The following ODAM variants were observed in gnomAD, a reference collection of about 807,000 sequenced individuals.
ODAM encodes odontogenic, ameloblast associated, also known as odontogenic ameloblast-associated protein.
ODAM carries 55 observed loss-of-function variants against 48.5 expected under a neutral mutation model. The observed-to-expected ratio is 1.13, with a 90% CI of 0.91 to 1.42. ODAM has a LOEUF of 1.42. Among genes scored for constraint, ODAM ranks in the 40% most tolerant of loss-of-function variants. ODAM has a pLI of 0.00. For missense variants in ODAM, 353 were observed against 323.6 expected, an observed-to-expected ratio of 1.09 and a Z score of -0.70; for synonymous variants, 127 against 107.8, an observed-to-expected ratio of 1.18 and a Z score of -1.10.
At chr4:70,200,439 A>T in intron 6 of ODAM, 58 bp from the exon 7 acceptor site, 1 of 878,858 alleles carries the variant, frequency 1.1e-6, no homozygotes, top group South Asian at 1.6e-5. Context: ...AGAAGATAAA[A>T]AGTATGTCCT....
At chr4:70,200,222 C>CT in intron 6 of ODAM, 1 of 316,702 alleles carries the variant, frequency 3.2e-6, no homozygotes, top group South Asian at 2.7e-5. Flanking sequence ...CTAAGATGTC[C>CT]TTTGAAAAAA....
At position 70,200,478 on chromosome 4, in the gene ODAM, C is replaced by G. The variant is rs770162844; in HGVS notation, c.424-19C>G. ...CTGATTTAATGGAATCTCTTGTATC[C>G]TTCTCTTTTTACAAGTAGATGTTTC... is the stretch of plus-strand genomic sequence containing the variant. On this transcript the variant is annotated intron_variant, in intron 6 of 11. Transcript: ENST00000683306. The G allele has an allele frequency of 7.4e-7, 1 of 1,350,492 alleles. No individual in the cohort carries two copies. The highest frequency in any genetic ancestry group is 1.2e-5 in the South Asian group (1 of 82,596). 83.7% of individuals were successfully genotyped at this position (1,350,492 alleles called of 1,614,324 possible). A position where few individuals can be genotyped will look rare whatever the true frequency, so the allele number is the denominator to read the frequency against.
chr4:70,197,722 A>G, intron 4 of ODAM: 2 of 592,800 alleles, frequency 3.4e-6, no homozygotes, highest in African/African-American at 3.7e-5. Flanking sequence ...CCTGCCCCAT[A>G]TTTCTCATGG....
At chr4:70,203,610 G>A (rs12499887) in intron 11 of ODAM, among the ~76,000 whole-genome samples, 7,551 of 151,812 alleles carry the variant, frequency 0.05, 299 homozygotes, top group Middle Eastern at 0.085. Flanking sequence ...AAATGATAAA[G>A]AAATTGTACA....
chr4:70,201,516 AT>A lies in ODAM; in HGVS notation c.576+20del. ...TAGCAGAACCTGTAAGTAAATGCATATTTTTCATTAAAAATATTTTGAAACT... is the reference window on the plus strand; with the variant it reads ...TAGCAGAACCTGTAAGTAAATGCATATTTTCATTAAAAATATTTTGAAACT... On this transcript the variant is annotated intron_variant, in intron 8 of 11. Coordinates refer to ENST00000683306, the MANE Select transcript of ODAM (RefSeq NM_017855.4). 1 of 1,367,666 alleles carries A rather than the reference AT, an allele frequency of 7.3e-7. No individual in the cohort carries two copies. The highest frequency in any genetic ancestry group is 1.0e-6 in the Non-Finnish European group (1 of 961,642). The allele number at this position is 1,367,666 out of a possible 1,614,324, so 84.7% of individuals were successfully genotyped here. A position where few individuals can be genotyped will look rare whatever the true frequency, so the allele number is the denominator to read the frequency against.
At chr4:70,195,957 A>G (rs1028644282) in intron 1 of ODAM, among the ~76,000 whole-genome samples, 164 bp downstream of exon 1, 2 of 152,042 alleles carry the variant, frequency 1.3e-5, no homozygotes, top group Non-Finnish European at 2.9e-5. Flanking sequence ...TAAACAGGTT[A>G]CACCATAAAT....
intron 4 of ODAM, 111 bp from the exon 5 acceptor site, chr4:70,197,813 C>A: frequency 1.3e-6 from 1 of 769,068 alleles, no homozygotes; most frequent in Non-Finnish European, 2.2e-6. Context: ...TATGTTGCAA[C>A]ATTGGAACTA....
At position 70,202,316 on chromosome 4, in the gene ODAM, A is replaced by C; in HGVS notation, c.635A>C (p.Glu212Ala). ...AFDPQLGTAP[E>A]IAVMSTGEEI... is the part of the protein sequence containing the mutation. Reference sequence around the variant, plus strand: ...GATCCCCAACTAGGCACAGCTCCTGAAATTGCTGTGATGGTAAGATTCCTT... The same window carrying C: ...GATCCCCAACTAGGCACAGCTCCTGCAATTGCTGTGATGGTAAGATTCCTT... The change falls in exon 9 of 12, where the codon GAA (glutamate) becomes GCA (alanine). Residue 212 changes from glutamate (E) to alanine (A), a missense_variant. Glu to Ala is a moderately radical substitution (Grantham distance 107). Transcript: ENST00000683306. The C allele has an allele frequency of 6.2e-7, 1 of 1,611,216 alleles. No homozygotes were observed. Among genetic ancestry groups the C allele is most frequent in the South Asian group, 1.1e-5 (1 of 91,020 alleles).
At position 70,202,290 on chromosome 4, in the gene ODAM, T is replaced by C. The variant is rs779401756; in HGVS notation, c.609T>C (p.Phe203=). ...CAGGAGGACAGCAGCAACTAGCTTT[T>C]GATCCCCAACTAGGCACAGCTCCTG... ...AISGGQQQLA[F]DPQLGTAPEI... Residue 203 remains phenylalanine (F), a synonymous_variant, in exon 9 of 12, where the codon TTT becomes TTC. Coordinates refer to ENST00000683306, the MANE Select transcript of ODAM (RefSeq NM_017855.4). The C allele has an allele frequency of 6.2e-7, 1 of 1,612,136 alleles. No homozygotes were observed. Among genetic ancestry groups the C allele is most frequent in the South Asian group, 1.1e-5 (1 of 91,038 alleles).
chr4:70,195,894 T>C (rs562937774), intron 1 of ODAM, 101 bp downstream of exon 1: 2 of 305,352 alleles, frequency 6.5e-6, no homozygotes, highest in South Asian at 2.5e-4. Flanking sequence ...ATTAGGTCAA[T>C]GATTTGAAGC....
At chr4:70,196,109 T>C (rs939336515) in intron 1 of ODAM, among the ~76,000 whole-genome samples, 1 of 152,010 alleles carries the variant, frequency 6.6e-6, no homozygotes, top group African/African-American at 2.4e-5. Context: ...CAAATCTCTA[T>C]TGAAGTACTT....
intron 2 of ODAM, 41 bp downstream of exon 2, chr4:70,196,635 C>A (rs759051239): frequency 1.3e-6 from 2 of 1,594,022 alleles, no homozygotes; most frequent in Non-Finnish European, 1.7e-6. Context: ...CTGTGTTAAA[C>A]CTTCAACAAT....
intron 5 of ODAM, 74 bp downstream of exon 5, chr4:70,198,231 G>T: frequency 8.0e-7 from 1 of 1,246,364 alleles, no homozygotes. Context: ...ATATGAATCA[G>T]CTTTGAAATA....
intron 6 of ODAM, chr4:70,200,049 A>G (rs1031609466): frequency 2.4e-6 from 1 of 421,098 alleles, no homozygotes; most frequent in African/African-American, 2.1e-5. Context: ...TATTTTAATA[A>G]AGTAGCAATT....
Position 70,202,330 on chromosome 4 carries a change from G to A in ODAM, c.648+1G>A, listed in dbSNP as rs775452261. 2.5e-6 allele frequency: 4 copies of A among 1,609,294 alleles called. No homozygotes were observed. The highest frequency in any genetic ancestry group is 3.4e-6 in the Non-Finnish European group (4 of 1,176,360). On this transcript the variant is annotated splice_donor_variant, in intron 9 of 11. Coordinates refer to ENST00000683306, the MANE Select transcript of ODAM (RefSeq NM_017855.4). LOFTEE classifies it high-confidence loss of function. ...CACAGCTCCTGAAATTGCTGTGATGGTAAGATTCCTTACAACACTTTGCCA... is the reference window on the plus strand; with the variant it reads ...CACAGCTCCTGAAATTGCTGTGATGATAAGATTCCTTACAACACTTTGCCA...
chr4:70,202,122 A>G (rs1473259131), intron 8 of ODAM, 136 bp from the exon 9 acceptor site: 18 of 658,126 alleles, frequency 2.7e-5, no homozygotes, highest in Non-Finnish European at 4.0e-5. Flanking sequence ...AGCAAAAATT[A>G]AACTATTATT....
At chr4:70,200,305 G>A (rs764727851) in intron 6 of ODAM, among the ~76,000 whole-genome samples, 192 bp from the exon 7 acceptor site, 47 of 151,474 alleles carry the variant, frequency 3.1e-4, no homozygotes, top group Non-Finnish European at 5.3e-4. Context: ...TAAAAACCAA[G>A]TCCAGTATTA....
chr4:70,198,275 A>G, intron 5 of ODAM, 118 bp downstream of exon 5: 1 of 830,738 alleles, frequency 1.2e-6, no homozygotes, highest in Non-Finnish European at 1.8e-6. Flanking sequence ...TTTTCTCATT[A>G]TATGTTTCTA....
chr4:70,202,895 C>T lies in ODAM; in HGVS notation c.788C>T (p.Thr263Ile). ...ACTTCTGCTGTAGACCAAACTATTA[C>T]CCCAGAGCTCCCAGAAGAGAAGGTA... ...VFTSAVDQTITPELPEEKDKT... is the reference protein window; with the variant it reads ...VFTSAVDQTIIPELPEEKDKT... The change falls in exon 10 of 12, where the codon ACC becomes ATC. Residue 263 changes from threonine (T) to isoleucine (I), a missense_variant. Physicochemically the swap from Thr to Ile is moderately conservative, Grantham distance 89 (BLOSUM62 -1). Transcript: ENST00000683306. 1 of 1,610,676 alleles carries T rather than the reference C, an allele frequency of 6.2e-7. No homozygotes were observed. The highest frequency in any genetic ancestry group is 1.1e-5 in the South Asian group (1 of 90,780).
Sources: gnomAD v4.1 joint callset for allele counts (sites outside exome capture counted in the v4.1 genomes callset) on GRCh38, gnomAD v4.1.1 for gene constraint, MANE v1.5 for transcripts, NCBI Gene and HGNC (gene_info 2026-07-23, HGNC 2026-07-21) for gene names.